KAZN: variants seen among roughly 807,000 people sequenced by gnomAD.
The protein encoded by KAZN is kazrin, periplakin interacting protein.
Under a neutral mutation model 87.4 loss-of-function variants are expected in KAZN, and 40 were observed. The observed-to-expected ratio is 0.46, with a 90% confidence interval of 0.36 to 0.60. The LOEUF is 0.60. Ranked by LOEUF, KAZN falls within the 20% of genes least tolerant of loss-of-function variation. The probability of loss-of-function intolerance (pLI) is 0.00; values close to 1 mark genes in which losing one functional copy is unlikely to be tolerated. For missense variants in KAZN, 898 were observed against 1,073.9 expected, an observed-to-expected ratio of 0.84 and a Z score of 2.29; for synonymous variants, 466 against 458.3, an observed-to-expected ratio of 1.02 and a Z score of -0.22.
intron 1 of KAZN, among the ~76,000 whole-genome samples, chr1:14,037,127 G>A (rs1436370607): frequency 6.6e-6 from 1 of 152,128 alleles, no homozygotes; most frequent in Admixed American, 6.5e-5. Flanking sequence ...GGATCACATA[G>A]GGTGGGATTA....
intron 2 of KAZN, among the ~76,000 whole-genome samples, chr1:14,361,228 C>A (rs1026441447): frequency 5.3e-5 from 8 of 152,230 alleles, no homozygotes; most frequent in Non-Finnish European, 1.0e-4. Flanking sequence ...GCTTTGTTTA[C>A]ACTGTGAGGG....
intron 1 of KAZN, among the ~76,000 whole-genome samples, chr1:14,942,186 C>T (rs1661154893): frequency 6.6e-6 from 1 of 152,166 alleles, no homozygotes; most frequent in Non-Finnish European, 1.5e-5. Context: ...TTTTGCTTTA[C>T]ACCTCCCACC....
At chr1:14,690,780 T>C (rs1373674162) in intron 1 of KAZN, among the ~76,000 whole-genome samples, 2 of 152,188 alleles carry the variant, frequency 1.3e-5, no homozygotes, top group African/African-American at 2.4e-5. Flanking sequence ...GAAGACTGAC[T>C]CTGGAGACCT....
At chr1:14,147,591 A>G (rs917857269) in intron 1 of KAZN, among the ~76,000 whole-genome samples, 1 of 152,096 alleles carries the variant, frequency 6.6e-6, no homozygotes, top group African/African-American at 2.4e-5. Flanking sequence ...CAAGAGATCA[A>G]GACCATCCTG....
chr1:14,170,388 A>C (rs1019958756), intron 1 of KAZN, among the ~76,000 whole-genome samples: 17 of 152,170 alleles, frequency 1.1e-4, no homozygotes, highest in Non-Finnish European at 2.1e-4. Context: ...GAAAAAAAAA[A>C]ATAGGTCTGG....
intron 2 of KAZN, among the ~76,000 whole-genome samples, chr1:14,472,245 G>T (rs146786038): frequency 6.6e-6 from 1 of 152,252 alleles, no homozygotes; most frequent in East Asian, 1.9e-4. Context: ...ATAAATTTTG[G>T]CCATACAGAA....
intron 1 of KAZN, among the ~76,000 whole-genome samples, chr1:14,644,838 G>A (rs1191584500): frequency 6.6e-6 from 1 of 152,118 alleles, no homozygotes; most frequent in Non-Finnish European, 1.5e-5. Context: ...TGCTTTTGTT[G>A]TGATTGCTTT....
rs540880203 is a variant in KAZN at position 14,563,874 on chromosome 1, C to CTT, written c.250-35096_250-35095dup. Among the ~76,000 whole-genome samples the CTT allele has an allele frequency of 1.8e-4, 18 of 97,934 alleles. 3 individuals carry two copies. Among genetic ancestry groups the CTT allele is most frequent in the Non-Finnish European group, 3.4e-4 (17 of 49,430 alleles). The allele number at this position is 97,934 out of a possible 152,430, so 64.2% of individuals were successfully genotyped here. A position where few individuals can be genotyped will look rare whatever the true frequency, so the allele number is the denominator to read the frequency against. On this transcript the variant is annotated intron_variant, in intron 2 of 16. Transcript: ENST00000636203. ...TGCACTCAGAGTATGGTTCAAACTC[C>CTT]TTTTTTTTTTTTTTGTCTGAGACAG... is the stretch of plus-strand genomic sequence containing the variant.
chr1:14,514,366 T>A (rs1671105266), intron 2 of KAZN, among the ~76,000 whole-genome samples: 1 of 19,120 alleles, frequency 5.2e-5, no homozygotes, highest in African/African-American at 2.6e-4. Context: ...TATATATATT[T>A]ATATATATAA....
intron 1 of KAZN, among the ~76,000 whole-genome samples, chr1:14,170,796 A>C (rs1645939136): frequency 6.6e-6 from 1 of 151,992 alleles, no homozygotes; most frequent in Non-Finnish European, 1.5e-5. Flanking sequence ...ATCTCAGCTC[A>C]CTGCAACCTC....
intron 2 of KAZN, among the ~76,000 whole-genome samples, chr1:15,032,007 TCA>T (rs1283720151): frequency 6.6e-6 from 1 of 152,066 alleles, no homozygotes; most frequent in Non-Finnish European, 1.5e-5. Context: ...TTTAGTATGT[TCA>T]CAGAGTTATG....
At chr1:14,918,597 A>G (rs1220802695) in intron 1 of KAZN, among the ~76,000 whole-genome samples, 1 of 147,772 alleles carries the variant, frequency 6.8e-6, no homozygotes, top group Admixed American at 6.8e-5. Flanking sequence ...AATTGCTTGA[A>G]CTCGGGCAGC....
intron 2 of KAZN, among the ~76,000 whole-genome samples, chr1:14,417,893 G>C (rs540030563): frequency 5.0e-4 from 75 of 151,204 alleles, no homozygotes; most frequent in Middle Eastern, 3.4e-3. Context: ...CTACTCGGTA[G>C]GCCGAGGCAG....
chr1:14,514,586 T>TAAA (rs1486553184), intron 2 of KAZN, among the ~76,000 whole-genome samples: 1 of 99,366 alleles, frequency 1.0e-5, no homozygotes, highest in Non-Finnish European at 1.9e-5. Context: ...TTATATATTT[T>TAAA]TTTATATTTT....
chr1:14,224,983 A>G (rs979047345), intron 2 of KAZN, among the ~76,000 whole-genome samples: 1 of 152,156 alleles, frequency 6.6e-6, no homozygotes, highest in African/African-American at 2.4e-5. Flanking sequence ...TAATTAATAA[A>G]TGTTCAAAGA....
chr1:14,852,792 A>C (rs1187217430), intron 1 of KAZN, among the ~76,000 whole-genome samples: 1 of 152,158 alleles, frequency 6.6e-6, no homozygotes, highest in Non-Finnish European at 1.5e-5. Flanking sequence ...GTTAGCTTTT[A>C]TTGTGTGTCC....
At chr1:14,958,315 T>A (rs1355371887) in intron 1 of KAZN, among the ~76,000 whole-genome samples, 1 of 151,622 alleles carries the variant, frequency 6.6e-6, no homozygotes, top group Non-Finnish European at 1.5e-5. Flanking sequence ...CATGGAGCAT[T>A]TCCTGTGTAT....
At chr1:14,200,746 C>T (rs929170577) in intron 2 of KAZN, among the ~76,000 whole-genome samples, 5 of 152,028 alleles carry the variant, frequency 3.3e-5, no homozygotes, top group South Asian at 2.1e-4. Flanking sequence ...TTTTTCTAAG[C>T]GAAGTACTTA....
At chr1:14,719,166 C>G (rs1642962153) in intron 1 of KAZN, among the ~76,000 whole-genome samples, 1 of 152,118 alleles carries the variant, frequency 6.6e-6, no homozygotes, top group African/African-American at 2.4e-5. Flanking sequence ...AGGGATGATG[C>G]CCAGCATACA....
Sources: allele counts gnomAD v4.1 joint callset (sites outside exome capture counted in the v4.1 genomes callset), GRCh38; gene constraint gnomAD v4.1.1; transcripts MANE v1.5; gene names NCBI Gene and HGNC (gene_info 2026-07-23, HGNC 2026-07-21).